The following PTPRG variants were observed in gnomAD, a reference collection of about 807,000 sequenced individuals.
The protein encoded by PTPRG is protein tyrosine phosphatase receptor type G, also known as receptor-type tyrosine-protein phosphatase gamma.
A neutral mutation model predicts 165.3 loss-of-function variants in PTPRG; 102 were observed. The ratio of observed to expected loss-of-function variants is 0.62; its 90% CI spans 0.53 to 0.73. The LOEUF (loss-of-function observed/expected upper bound fraction) is 0.73, where lower values mean the gene tolerates loss of function less well. Ranked by LOEUF, PTPRG falls within the 30% of genes least tolerant of loss-of-function variation. The pLI is 0.00. For synonymous variants in PTPRG, 675 were observed against 669.5 expected, an observed-to-expected ratio of 1.01 and a Z score of -0.13; for missense variants, 1,866 against 1,861.4, an observed-to-expected ratio of 1.00 and a Z score of -0.05.
chr3:61,575,913 G>A (rs974458780), intron 1 of PTPRG, among the ~76,000 whole-genome samples: 3 of 152,104 alleles, frequency 2.0e-5, no homozygotes, highest in Admixed American at 6.5e-5. Flanking sequence ...CACTGTGCCC[G>A]GCTGGCACAC....
At chr3:61,570,392 A>G (rs1378623305) in intron 1 of PTPRG, among the ~76,000 whole-genome samples, 2 of 152,226 alleles carry the variant, frequency 1.3e-5, no homozygotes, top group African/African-American at 2.4e-5. Flanking sequence ...AATTCTAGCA[A>G]CTAAAAAAGA....
intron 1 of PTPRG, among the ~76,000 whole-genome samples, chr3:61,733,393 G>T (rs1198334267): frequency 6.6e-6 from 1 of 152,124 alleles, no homozygotes; most frequent in East Asian, 1.9e-4. Flanking sequence ...TGTGCCATGT[G>T]ACTTTGGCAA....
chr3:61,688,598 G>A (rs887677264), intron 1 of PTPRG, among the ~76,000 whole-genome samples: 1 of 152,176 alleles, frequency 6.6e-6, no homozygotes, highest in Middle Eastern at 3.2e-3. Context: ...GCTCCTCACT[G>A]AGCAGGATGC....
rs34396141 is a variant in PTPRG, at chr3:61,638,591, G to GTTTTTTTTTT, written c.85+76237_85+76246dup. On this transcript the variant is annotated intron_variant, in intron 1 of 29. Transcript: ENST00000474889. ...AGGCACACACCACCATGCCTGGCTAGTTTTTTTTTTTTTTTTTTTTTTTTT... is the reference window on the plus strand; with the variant it reads ...AGGCACACACCACCATGCCTGGCTAGTTTTTTTTTTTTTTTTTTTTTTTTTTTTTTTTTTT... 1.3e-3 allele frequency among the ~76,000 whole-genome samples: 78 copies of GTTTTTTTTTT among 58,716 alleles called. 9 individuals are homozygous for GTTTTTTTTTT. Among genetic ancestry groups the GTTTTTTTTTT allele is most frequent in the Non-Finnish European group, 1.7e-3 (58 of 33,640 alleles). The allele number at this position is 58,716 out of a possible 152,430, so 38.5% of individuals were successfully genotyped here.
chr3:61,766,684 T>G (rs1004322984), intron 2 of PTPRG, among the ~76,000 whole-genome samples: 3 of 151,992 alleles, frequency 2.0e-5, no homozygotes, highest in African/African-American at 7.2e-5. Context: ...TGTCATAATC[T>G]CTGGTCACTG....
intron 1 of PTPRG, among the ~76,000 whole-genome samples, chr3:61,714,698 C>T (rs1184357821): frequency 6.6e-6 from 1 of 152,154 alleles, no homozygotes; most frequent in African/African-American, 2.4e-5. Context: ...ACTTGCAGGG[C>T]TCCTTCCACC....
At chr3:61,995,089 T>TC (rs2040994207) in intron 3 of PTPRG, among the ~76,000 whole-genome samples, 1 of 42,466 alleles carries the variant, frequency 2.4e-5, no homozygotes, top group South Asian at 5.8e-4. Flanking sequence ...TCTTTCTTTT[T>TC]TTTTTTTTTT....
At chr3:61,922,697 T>C (rs1300018513) in intron 2 of PTPRG, among the ~76,000 whole-genome samples, 1 of 152,176 alleles carries the variant, frequency 6.6e-6, no homozygotes, top group Non-Finnish European at 1.5e-5. Flanking sequence ...CCGGAGTACA[T>C]TGGTGTGATC....
At chr3:62,292,863 C>T (rs1249795347) in intron 29 of PTPRG, 3 of 474,546 alleles carry the variant, frequency 6.3e-6, no homozygotes, top group Admixed American at 3.9e-5. Context: ...TGGTTATCTT[C>T]ATTAACCAGA....
In PTPRG at chr3:61,989,759, A is replaced by G. The variant is rs201085188; in HGVS notation, c.325A>G (p.Asn109Asp). The stretch of plus-strand genomic sequence containing the variant: ...GGAACTGCAACTCGATGGCTTCGAC[A>G]ATGAGTCTTCTAACAAAACCTGGAT... ...YQELQLDGFD[N>D]ESSNKTWMKN... is the part of the protein sequence containing the mutation. Residue 109 changes from asparagine to aspartate, a missense_variant, in exon 3 of 30, where the codon AAT becomes GAT. Coordinates refer to ENST00000474889, the MANE Select transcript of PTPRG (RefSeq NM_002841.4). 250 of 1,614,062 alleles carry G rather than the reference A, an allele frequency of 1.5e-4. No individual in the cohort carries two copies. Among genetic ancestry groups the G allele is most frequent in the Non-Finnish European group, 2.0e-4 (233 of 1,180,022 alleles).
At chr3:62,043,969 G>A (rs1329010358) in intron 4 of PTPRG, among the ~76,000 whole-genome samples, 1 of 152,160 alleles carries the variant, frequency 6.6e-6, no homozygotes, top group African/African-American at 2.4e-5. Context: ...AAAGACTGTG[G>A]TGAAAATTTT....
rs545502880 is a variant in PTPRG, at chr3:62,192,194, C to T, written c.1218+541C>T. Among the ~76,000 whole-genome samples the T allele has an allele frequency of 2.5e-3, 386 of 152,170 alleles. 2 individuals are homozygous for T. Among genetic ancestry groups the T allele is most frequent in the Non-Finnish European group, 4.1e-3 (281 of 68,006 alleles). ...ATTTCCAATACCTGCCAAACCCCTA[C>T]AGCTGTGTAATATTTTATCTCTTTT... On this transcript the variant is annotated intron_variant, in intron 9 of 29. Coordinates refer to ENST00000474889, the MANE Select transcript of PTPRG (RefSeq NM_002841.4).
At chr3:61,893,525 G>A (rs773600222) in intron 2 of PTPRG, among the ~76,000 whole-genome samples, 6 of 152,200 alleles carry the variant, frequency 3.9e-5, no homozygotes, top group Admixed American at 6.5e-5. Flanking sequence ...AGTCTTAACC[G>A]CTATGGCGCA....
chr3:62,059,894 G>A (rs1700751041), intron 4 of PTPRG, among the ~76,000 whole-genome samples: 1 of 152,118 alleles, frequency 6.6e-6, no homozygotes, highest in Non-Finnish European at 1.5e-5. Context: ...TGTGAAGAAG[G>A]ACGTGTTTGC....
intron 2 of PTPRG, among the ~76,000 whole-genome samples, chr3:61,951,857 C>T (rs1427816075): frequency 4.6e-5 from 7 of 152,198 alleles, no homozygotes; most frequent in African/African-American, 9.6e-5. Flanking sequence ...TGGTGGCTCA[C>T]GCCTGTAATC....
chr3:61,656,022 G>A (rs1000645558), intron 1 of PTPRG, among the ~76,000 whole-genome samples: 17 of 150,368 alleles, frequency 1.1e-4, no homozygotes, highest in Admixed American at 6.0e-4. Context: ...TGATACCAAC[G>A]TGGGCAACAT....
intron 2 of PTPRG, among the ~76,000 whole-genome samples, chr3:61,813,238 G>C (rs555405389): frequency 2.0e-5 from 3 of 149,816 alleles, no homozygotes; most frequent in African/African-American, 4.9e-5. Flanking sequence ...GCTCACGCCT[G>C]TAATATCAGC....
At chr3:61,860,434 C>CTTTTTTTTTTTTTTTTTTTT (rs766688465) in intron 2 of PTPRG, among the ~76,000 whole-genome samples, 2 of 95,530 alleles carry the variant, frequency 2.1e-5, no homozygotes, top group Non-Finnish European at 3.9e-5. Context: ...GTTTTTGTTC[C>CTTTTTTTTTTTTTTTTTTTT]TTTTTTTTTT....
At chr3:61,696,498 G>T (rs145954659) in intron 1 of PTPRG, among the ~76,000 whole-genome samples, 5 of 152,118 alleles carry the variant, frequency 3.3e-5, no homozygotes, top group Non-Finnish European at 5.9e-5. Context: ...GTGGGATTCC[G>T]TCTCAAAAAC....
Sources: allele counts gnomAD v4.1 joint callset (sites outside exome capture counted in the v4.1 genomes callset), GRCh38; gene constraint gnomAD v4.1.1; transcripts MANE v1.5; gene names NCBI Gene and HGNC (gene_info 2026-07-23, HGNC 2026-07-21).